Variants in PLAA observed in about 807,000 individuals in gnomAD.
The protein encoded by PLAA is phospholipase A-2-activating protein.
In PLAA, 48 loss-of-function variants were observed where a neutral mutation model predicts 84.1. That is an observed-to-expected ratio of 0.57 (90% CI 0.45 to 0.73). The LOEUF (loss-of-function observed/expected upper bound fraction) is 0.73, where lower values mean the gene tolerates loss of function less well. Ranked by LOEUF, PLAA falls within the 30% of genes least tolerant of loss-of-function variation. The pLI is 0.00. For missense variants in PLAA, 903 were observed against 954.7 expected (o/e 0.95, Z 0.71); for synonymous variants, 392 against 336.6 (o/e 1.16, Z -1.80).
chr9:26,905,892 GC>G lies in PLAA; in HGVS notation c.2006del (p.Gly669AlafsTer8). The G allele has an allele frequency of 6.2e-7, 1 of 1,614,056 alleles. No individual in the cohort carries two copies. Among genetic ancestry groups the G allele is most frequent in the Non-Finnish European group, 8.5e-7 (1 of 1,180,012 alleles). On this transcript the variant is annotated frameshift_variant, in exon 14 of 14. Coordinates refer to ENST00000397292, the MANE Select transcript of PLAA (RefSeq NM_001031689.3). LOFTEE classifies it high-confidence loss of function. ...ALRTFCNCFV[G>X]QAGQKLMMSQ... ...ACATCATGAGTTTTTGTCCTGCCTGGCCAACAAAACAATTGCAAAAAGTCCT... is the reference window on the plus strand; with the variant it reads ...ACATCATGAGTTTTTGTCCTGCCTGGCAACAAAACAATTGCAAAAAGTCCT...
chr9:26,926,018 T>C (rs1824945156), intron 5 of PLAA, 58 bp from the exon 6 acceptor site: 1 of 1,381,566 alleles, frequency 7.2e-7, no homozygotes, highest in Non-Finnish European at 1.0e-6. Flanking sequence ...CATTTATACA[T>C]ACCATCTTTC....
intron 1 of PLAA, among the ~76,000 whole-genome samples, chr9:26,939,184 C>A (rs1308819593): frequency 5.3e-5 from 8 of 152,004 alleles, no homozygotes; most frequent in Non-Finnish European, 8.8e-5. Flanking sequence ...GTCAGGAGAT[C>A]GGGACTATCC....
chr9:26,939,223 C>T (rs1223038385), intron 1 of PLAA, among the ~76,000 whole-genome samples: 1 of 151,784 alleles, frequency 6.6e-6, no homozygotes, highest in Non-Finnish European at 1.5e-5. Context: ...CCCATCTCTA[C>T]TAAAAATACA....
At chr9:26,941,385 C>T (rs1825535358) in intron 1 of PLAA, among the ~76,000 whole-genome samples, 1 of 151,932 alleles carries the variant, frequency 6.6e-6, no homozygotes, top group South Asian at 2.1e-4. Flanking sequence ...GAAACCATAC[C>T]CTCATCCTCT....
At chr9:26,923,498 T>G in intron 6 of PLAA, 151 bp from the exon 7 acceptor site, 1 of 561,984 alleles carries the variant, frequency 1.8e-6, no homozygotes, top group Non-Finnish European at 3.1e-6. Flanking sequence ...CTGTGCTGAC[T>G]TCAGCACATG....
rs145298469 is a variant in PLAA at position 26,913,941 on chromosome 9, C to A, written c.1493G>T (p.Gly498Val). The A allele has an allele frequency of 2.5e-6, 4 of 1,609,688 alleles. No individual in the cohort carries two copies. Among genetic ancestry groups the A allele is most frequent in the Non-Finnish European group, 3.4e-6 (4 of 1,176,224 alleles). ...LPTADPFTGA[G>V]RYVPGSASMG... is the part of the protein sequence containing the mutation. Reference sequence around the variant, plus strand: ...ACTTGCAGAACCTGGTACATAACGACCAGCACCTACAATACAATAATACTC... The same window carrying A: ...ACTTGCAGAACCTGGTACATAACGAACAGCACCTACAATACAATAATACTC... The change falls in exon 11 of 14, where the codon GGT becomes GTT. Residue 498 changes from glycine to valine, a missense_variant. Transcript: ENST00000397292.
chr9:26,916,542 A>G, intron 10 of PLAA: 1 of 987,028 alleles, frequency 1.0e-6, no homozygotes, highest in Non-Finnish European at 1.2e-6. Flanking sequence ...GTTGGGTGGA[A>G]TGTCTCCTTC....
At chr9:26,934,660 A>G (rs148406337) in intron 2 of PLAA, among the ~76,000 whole-genome samples, 9 of 151,908 alleles carry the variant, frequency 5.9e-5, no homozygotes, top group African/African-American at 2.2e-4. Context: ...TTGTATTTTT[A>G]GTAGAGGCGG....
At position 26,930,109 on chromosome 9, in the gene PLAA, T is replaced by TTA. The variant is rs1563915945; in HGVS notation, c.344-1702_344-1701insTA. On this transcript the variant is annotated intron_variant, in intron 2 of 13. Transcript: ENST00000397292. ...CCAGTGCCTTATTATTATTATTATTTTTTTTTTTTTTTTGAGACAGAGTCT... is the reference window on the plus strand; with the variant it reads ...CCAGTGCCTTATTATTATTATTATTTTATTTTTTTTTTTTTGAGACAGAGTCT... Among the ~76,000 whole-genome samples the TTA allele has an allele frequency of 2.1e-3, 293 of 137,170 alleles. 1 individual carries two copies. The highest frequency in any genetic ancestry group is 7.5e-3 in the African/African-American group (278 of 36,920). 90.0% of individuals were successfully genotyped at this position (137,170 alleles called of 152,430 possible). A position where few individuals can be genotyped will look rare whatever the true frequency, so the allele number is the denominator to read the frequency against.
chr9:26,945,523 A>C (rs1825666084), intron 1 of PLAA, among the ~76,000 whole-genome samples: 1 of 152,222 alleles, frequency 6.6e-6, no homozygotes, highest in African/African-American at 2.4e-5. Flanking sequence ...TCCCTAGCCT[A>C]GTGGACCATC....
chr9:26,906,080 T>C lies in PLAA; in HGVS notation c.1823-4A>G, dbSNP rs1824228132. The C allele has an allele frequency of 6.9e-7, 1 of 1,455,686 alleles. No homozygotes were observed. The highest frequency in any genetic ancestry group is 9.1e-7 in the Non-Finnish European group (1 of 1,098,354). The allele number at this position is 1,455,686 out of a possible 1,614,324, so 90.2% of individuals were successfully genotyped here. A position where few individuals can be genotyped will look rare whatever the true frequency, so the allele number is the denominator to read the frequency against. On this transcript the variant is annotated splice_polypyrimidine_tract_variant and splice_region_variant and intron_variant, in intron 13 of 13. Transcript: ENST00000397292. Reference sequence around the variant, plus strand: ...TCAAGTGCAGGAAAGACAATATCTATTAAAAAAAAAAAGTCATTAATGCTT... The same window carrying C: ...TCAAGTGCAGGAAAGACAATATCTACTAAAAAAAAAAAGTCATTAATGCTT...
chr9:26,933,887 C>T (rs1038338835), intron 2 of PLAA, among the ~76,000 whole-genome samples: 1 of 151,866 alleles, frequency 6.6e-6, no homozygotes, highest in Non-Finnish European at 1.5e-5. Flanking sequence ...CAGCTCACTG[C>T]AGCCTCCAAC....
chr9:26,913,991 T>C lies in PLAA; in HGVS notation c.1487-44A>G, dbSNP rs771721372. The C allele has an allele frequency of 3.2e-5, 44 of 1,390,696 alleles. No homozygotes were observed. In the Admixed American group the frequency reaches 7.6e-4, roughly 24 times the overall value. The allele number at this position is 1,390,696 out of a possible 1,614,324, so 86.1% of individuals were successfully genotyped here. ...CCTAGTAAGCAAAGGTGACTGTAAATTATAAAGTTCAAACTGCTCCTTCGC... is the reference window on the plus strand; with the variant it reads ...CCTAGTAAGCAAAGGTGACTGTAAACTATAAAGTTCAAACTGCTCCTTCGC... On this transcript the variant is annotated intron_variant, in intron 10 of 13. Coordinates refer to ENST00000397292, the MANE Select transcript of PLAA (RefSeq NM_001031689.3).
intron 13 of PLAA, 96 bp downstream of exon 13, chr9:26,907,738 T>C: frequency 9.1e-7 from 1 of 1,098,692 alleles, no homozygotes; most frequent in Non-Finnish European, 1.3e-6. Context: ...CTACCGAAGT[T>C]AACTTTCATT....
In PLAA at chr9:26,923,204, G is replaced by A. The variant is rs1262207609; in HGVS notation, c.1013C>T (p.Pro338Leu). The change falls in exon 7 of 14, where the codon CCT becomes CTT. Residue 338 changes from proline to leucine, a missense_variant. Coordinates refer to ENST00000397292, the MANE Select transcript of PLAA (RefSeq NM_001031689.3). ...DLGDINAEQL[P>L]GREHLNEPGT... ...AGGTTCATTAAGATGTTCCCTCCCA[G>A]GAAGCTGCTCAGCATTGATGTCCCC... is the stretch of plus-strand genomic sequence containing the variant. The A allele has an allele frequency of 1.9e-6, 3 of 1,603,972 alleles. No individual in the cohort carries two copies. The highest frequency in any genetic ancestry group is 2.6e-6 in the Non-Finnish European group (3 of 1,173,674).
At chr9:26,928,469 G>T in intron 2 of PLAA, 61 bp from the exon 3 acceptor site, 1 of 1,148,290 alleles carries the variant, frequency 8.7e-7, no homozygotes, top group Non-Finnish European at 1.3e-6. Flanking sequence ...AACATTGAAA[G>T]TTACTAAAGC....
rs373603265 is a variant in PLAA at position 26,941,797 on chromosome 9, A to G, written c.149+5100T>C. 5.9e-5 allele frequency among the ~76,000 whole-genome samples: 9 copies of G among 152,264 alleles called. No homozygotes were observed. In the South Asian group the frequency reaches 6.2e-4, roughly 11 times the overall value. Reference sequence around the variant, plus strand: ...GAGAGAAATTTAGAAAGCAAGTTCAATATCTGAATAAAAACAGTTCCAGAA... The same window carrying G: ...GAGAGAAATTTAGAAAGCAAGTTCAGTATCTGAATAAAAACAGTTCCAGAA... On this transcript the variant is annotated intron_variant, in intron 1 of 13. Transcript: ENST00000397292.
chr9:26,923,359 A>C lies in PLAA; in HGVS notation c.870-12T>G, dbSNP rs1824835966. On this transcript the variant is annotated splice_polypyrimidine_tract_variant and intron_variant, in intron 6 of 13. Transcript: ENST00000397292. ...TAATAATGCCATCACTGTAAGGAAA[A>C]ATAAACTGATTTTAGAAGTCATTGC... 6.3e-7 allele frequency: 1 copy of C among 1,582,300 alleles called. No individual in the cohort carries two copies. Among genetic ancestry groups the C allele is most frequent in the Non-Finnish European group, 8.6e-7 (1 of 1,157,760 alleles).
At chr9:26,925,151 A>G (rs1824900837) in intron 6 of PLAA, among the ~76,000 whole-genome samples, 1 of 152,092 alleles carries the variant, frequency 6.6e-6, no homozygotes, top group South Asian at 2.1e-4. Context: ...TTATAACTTC[A>G]CACTCCTTCT....
Sources: gnomAD v4.1 joint callset for allele counts (sites outside exome capture counted in the v4.1 genomes callset) on GRCh38, gnomAD v4.1.1 for gene constraint, MANE v1.5 for transcripts, NCBI Gene and HGNC (gene_info 2026-07-23, HGNC 2026-07-21) for gene names.